SRBD1: variants seen among roughly 807,000 people sequenced by gnomAD.
SRBD1 encodes the protein S1 RNA binding domain 1, also known as S1 RNA-binding domain-containing protein 1.
SRBD1 carries 88 observed loss-of-function variants against 115.3 expected under a neutral mutation model. The observed-to-expected ratio is 0.76, with a 90% confidence interval of 0.64 to 0.91. SRBD1 has a LOEUF of 0.91. SRBD1 is among the 40% of genes least tolerant of loss of function. The pLI is 0.00. For synonymous variants in SRBD1, 509 were observed against 407.7 expected, an observed-to-expected ratio of 1.25 and a Z score of -2.99; for missense variants, 1,385 against 1,177.4, an observed-to-expected ratio of 1.18 and a Z score of -2.58.
At chr2:45,399,628 G>A (rs965513947) in intron 19 of SRBD1, among the ~76,000 whole-genome samples, 1 of 151,978 alleles carries the variant, frequency 6.6e-6, no homozygotes, top group African/African-American at 2.4e-5. Context: ...TTTTACTTTC[G>A]GAGATTTTCA....
At chr2:45,577,031 T>C (rs1673200282) in intron 7 of SRBD1, among the ~76,000 whole-genome samples, 1 of 152,092 alleles carries the variant, frequency 6.6e-6, no homozygotes, top group African/African-American at 2.4e-5. Flanking sequence ...AAACTATGAA[T>C]GGCTAGACTG....
intron 19 of SRBD1, among the ~76,000 whole-genome samples, chr2:45,412,912 T>C (rs1381971600): frequency 6.6e-6 from 1 of 152,180 alleles, no homozygotes; most frequent in Non-Finnish European, 1.5e-5. Context: ...TTTATTAGCT[T>C]GACAATGCTC....
intron 9 of SRBD1, among the ~76,000 whole-genome samples, chr2:45,565,578 G>C (rs1672802285): frequency 6.6e-6 from 1 of 152,072 alleles, no homozygotes; most frequent in African/African-American, 2.4e-5. Context: ...AGCCTTCTTA[G>C]ATATAACACC....
chr2:45,608,563 T>C (rs1296207276), intron 1 of SRBD1, among the ~76,000 whole-genome samples: 1 of 152,180 alleles, frequency 6.6e-6, no homozygotes, highest in Non-Finnish European at 1.5e-5. Flanking sequence ...CTCATCCATC[T>C]CCACGGTTTT....
At chr2:45,458,643 C>A (rs1669222191) in intron 16 of SRBD1, among the ~76,000 whole-genome samples, 1 of 152,178 alleles carries the variant, frequency 6.6e-6, no homozygotes, top group African/African-American at 2.4e-5. Context: ...CTGTTATCCA[C>A]ATCAGTGCTG....
At chr2:45,547,721 A>G (rs1672166596) in intron 12 of SRBD1, 109 bp from the exon 13 acceptor site, 1 of 831,556 alleles carries the variant, frequency 1.2e-6, no homozygotes, top group African/African-American at 1.7e-5. Flanking sequence ...CTTGTTTTTT[A>G]TAATGAAGTC....
chr2:45,411,709 GA>G (rs1471299425), intron 19 of SRBD1, among the ~76,000 whole-genome samples: 3 of 152,088 alleles, frequency 2.0e-5, no homozygotes, highest in African/African-American at 4.8e-5. Flanking sequence ...GACCTCAAAA[GA>G]AAAAAATCGT....
intron 9 of SRBD1, among the ~76,000 whole-genome samples, chr2:45,563,036 T>C (rs996766296): frequency 1.3e-5 from 2 of 152,206 alleles, no homozygotes; most frequent in Admixed American, 6.5e-5. Context: ...ATTCTACTAA[T>C]TGAAAATTTT....
At position 45,413,236 on chromosome 2, in the gene SRBD1, G is replaced by A. The variant is rs1378287447; in HGVS notation, c.2391C>T (p.Asp797=). The part of the protein sequence containing the change: ...IQGVAVTSSA[D]VEVTNEKQGK... ...CCTGCTTCTCATTTGTGACCTCAACGTCTGCTGAAGATGTCACAGCAACTC... is the reference window on the plus strand; with the variant it reads ...CCTGCTTCTCATTTGTGACCTCAACATCTGCTGAAGATGTCACAGCAACTC... The change falls in exon 19 of 21, where the codon GAC becomes GAT. Residue 797 remains aspartate (D), a synonymous_variant. Transcript: ENST00000263736. 3.7e-6 allele frequency: 6 copies of A among 1,613,896 alleles called. No homozygotes were observed. The highest frequency in any genetic ancestry group is 2.7e-5 in the African/African-American group (2 of 74,892).
At chr2:45,560,028 C>T (rs188927550) in intron 10 of SRBD1, among the ~76,000 whole-genome samples, 2 of 152,072 alleles carry the variant, frequency 1.3e-5, no homozygotes, top group African/African-American at 4.8e-5. Context: ...CTGCAGTGAG[C>T]CAAGATCATG....
chr2:45,418,465 G>A lies in SRBD1; in HGVS notation c.2233C>T (p.Arg745Ter), dbSNP rs753237366. Reference sequence around the variant, plus strand: ...CCTTTCACTTTCTTCAGCTGTTCTCGGTTGATAAAGGGTCCATTTTTCTCT... The same window carrying A: ...CCTTTCACTTTCTTCAGCTGTTCTCAGTTGATAAAGGGTCCATTTTTCTCT... The part of the protein sequence containing the change: ...WREKNGPFIN[R>*]EQLKKVKGLG... Residue 745 changes from arginine to a stop codon, truncating the protein, a stop_gained, in exon 18 of 21, where the codon CGA becomes TGA. Coordinates refer to ENST00000263736, the MANE Select transcript of SRBD1 (RefSeq NM_018079.5). LOFTEE classifies it high-confidence loss of function. The A allele has an allele frequency of 5.0e-6, 8 of 1,613,640 alleles. No individual in the cohort carries two copies. The highest frequency in any genetic ancestry group is 5.9e-6 in the Non-Finnish European group (7 of 1,179,952).
intron 13 of SRBD1, 89 bp downstream of exon 13, chr2:45,547,433 C>G: frequency 8.5e-7 from 1 of 1,177,240 alleles, no homozygotes; most frequent in Non-Finnish European, 1.2e-6. Context: ...AGGCACCTCC[C>G]TTAATCCCTC....
intron 16 of SRBD1, among the ~76,000 whole-genome samples, chr2:45,452,215 T>G (rs991017302): frequency 3.3e-5 from 5 of 152,002 alleles, no homozygotes; most frequent in Non-Finnish European, 5.9e-5. Flanking sequence ...TTTCAGAAAT[T>G]TGGGCTTTCA....
chr2:45,428,222 A>C (rs1484929166), intron 16 of SRBD1, among the ~76,000 whole-genome samples: 2 of 152,226 alleles, frequency 1.3e-5, no homozygotes, highest in African/African-American at 4.8e-5. Flanking sequence ...AACTACATGG[A>C]AACTGAACAA....
chr2:45,581,393 G>C (rs1424407753), intron 6 of SRBD1, among the ~76,000 whole-genome samples: 1 of 152,006 alleles, frequency 6.6e-6, no homozygotes, highest in Non-Finnish European at 1.5e-5. Context: ...TCCACATCTG[G>C]ATCTCTAGTT....
intron 8 of SRBD1, 51 bp downstream of exon 8, chr2:45,574,576 C>G: frequency 1.3e-6 from 2 of 1,550,534 alleles, no homozygotes; most frequent in Non-Finnish European, 1.8e-6. Flanking sequence ...CCGTGTGACC[C>G]TTAACAGCAT....
At chr2:45,438,831 T>C (rs1044307526) in intron 16 of SRBD1, among the ~76,000 whole-genome samples, 2 of 151,994 alleles carry the variant, frequency 1.3e-5, no homozygotes, top group African/African-American at 4.8e-5. Flanking sequence ...GTAACAAAAC[T>C]TTCCCCAATT....
chr2:45,421,660 T>C (rs1174638345), intron 16 of SRBD1, among the ~76,000 whole-genome samples: 1 of 151,702 alleles, frequency 6.6e-6, no homozygotes, highest in Non-Finnish European at 1.5e-5. Context: ...AATTCTAAAA[T>C]TAATGATCTG....
intron 9 of SRBD1, among the ~76,000 whole-genome samples, chr2:45,571,238 GTTTTTTTCTTTTAGGGGA>G (rs1057362363): frequency 2.0e-5 from 3 of 151,924 alleles, no homozygotes; most frequent in African/African-American, 4.8e-5. Flanking sequence ...GAGAGTTTGG[GTTTTTTTCTTTTAGGGGA>G]TTTTTTTCTT....
Sources: allele counts gnomAD v4.1 joint callset (sites outside exome capture counted in the v4.1 genomes callset), GRCh38; gene constraint gnomAD v4.1.1; transcripts MANE v1.5; gene names NCBI Gene and HGNC (gene_info 2026-07-23, HGNC 2026-07-21).